DNAH3: variants seen among roughly 807,000 people sequenced by gnomAD.
The protein encoded by DNAH3 is axonemal beta dynein heavy chain 3.
DNAH3 carries 332 observed loss-of-function variants against 432.5 expected under a neutral mutation model. The ratio of observed to expected loss-of-function variants is 0.77; its 90% CI spans 0.70 to 0.84. The LOEUF is 0.84. DNAH3 is among the 40% of genes least tolerant of loss of function. The pLI, the probability that DNAH3 is intolerant of heterozygous loss-of-function variation, is 0.00. For missense variants in DNAH3, 4,861 were observed against 5,114.0 expected (o/e 0.95, Z 1.51); for synonymous variants, 1,956 against 1,900.2 (o/e 1.03, Z -0.76).
At position 21,156,123 on chromosome 16, in the gene DNAH3, A is replaced by G. The variant is rs535212288; in HGVS notation, c.117+3202T>C. Among the ~76,000 whole-genome samples, 3 of 152,184 alleles carry G rather than the reference A, an allele frequency of 2.0e-5. No homozygotes were observed. The South Asian group carries it at 6.2e-4, about 32-fold the overall frequency. ...TGCCAACTTCTCATTGTATCCTCAC[A>G]TGGTGGAAAGAGGGTAAGAGAGCTC... On this transcript the variant is annotated intron_variant, in intron 1 of 61. Coordinates refer to ENST00000261383, the Ensembl canonical transcript of DNAH3.
chr16:21,066,158 T>G (rs549902587), intron 24 of DNAH3, among the ~76,000 whole-genome samples: 83 of 138,806 alleles, frequency 6.0e-4, no homozygotes, highest in Admixed American at 2.4e-3. Flanking sequence ...TCATTTTTTG[T>G]TTTTTTTTTT....
chr16:21,062,768 G>C, intron 24 of DNAH3, 85 bp from the exon 25 acceptor site: 1 of 1,007,850 alleles, frequency 9.9e-7, no homozygotes, highest in Non-Finnish European at 1.5e-6. Context: ...CAGGTAGTCC[G>C]CACCTACGTG....
In DNAH3 at chr16:21,054,429, C is replaced by T. The variant is rs1235481287; in HGVS notation, c.4030G>A (p.Asp1344Asn). Residue 1344 changes from aspartate to asparagine, a missense_variant, in exon 28 of 62, where the codon GAT becomes AAT. Coordinates refer to ENST00000261383, the Ensembl canonical transcript of DNAH3. ...AAGCCCCCTGGCTTACCGTGGACAT[C>T]GATGACCGTGAGGGCCCCGAGAGTG... The T allele has an allele frequency of 1.4e-5, 22 of 1,613,718 alleles. No homozygotes were observed. Among genetic ancestry groups the T allele is most frequent in the Non-Finnish European group, 1.9e-5 (22 of 1,179,796 alleles).
chr16:21,120,508 G>T (rs1045243186), intron 11 of DNAH3: 19 of 582,990 alleles, frequency 3.3e-5, no homozygotes, highest in Non-Finnish European at 5.5e-5. Flanking sequence ...TAGTCAACCT[G>T]CAGGACTATG....
chr16:21,058,675 A>G (rs1464364677), intron 26 of DNAH3, among the ~76,000 whole-genome samples: 1 of 152,210 alleles, frequency 6.6e-6, no homozygotes, highest in Non-Finnish European at 1.5e-5. Flanking sequence ...GAATGAGTTC[A>G]TGTCCTTTGC....
At chr16:20,967,844 G>A (rs2085133979) in intron 52 of DNAH3, among the ~76,000 whole-genome samples, 1 of 151,912 alleles carries the variant, frequency 6.6e-6, no homozygotes, top group South Asian at 2.1e-4. Flanking sequence ...GGTGATTCTA[G>A]GGTGCAGCCA....
intron 54 of DNAH3, among the ~76,000 whole-genome samples, chr16:20,956,978 C>T (rs1015986999): frequency 6.6e-6 from 1 of 152,210 alleles, no homozygotes; most frequent in Admixed American, 6.5e-5. Context: ...CTGCCTTGAC[C>T]TCCCAAAGTG....
At chr16:20,957,174 T>C (rs2084601314) in intron 54 of DNAH3, among the ~76,000 whole-genome samples, 1 of 152,142 alleles carries the variant, frequency 6.6e-6, no homozygotes, top group African/African-American at 2.4e-5. Flanking sequence ...GAGATGAAAA[T>C]AACCAGCTAG....
At chr16:20,990,392 C>A (rs1283557401) in intron 44 of DNAH3, among the ~76,000 whole-genome samples, 1 of 151,992 alleles carries the variant, frequency 6.6e-6, no homozygotes, top group Non-Finnish European at 1.5e-5. Context: ...TTATTGATAT[C>A]CCAATAATAA....
Position 20,952,372 on chromosome 16 carries a change from C to G in DNAH3, c.11188+61G>C, listed in dbSNP as rs568605345. On this transcript the variant is annotated intron_variant, in intron 56 of 61. Transcript: ENST00000261383. ...TAAGTGAATGGAAATGGGAGGAGAA[C>G]AGCAGGAGGGTGGAACATGATACTG... 6.8e-6 allele frequency: 7 copies of G among 1,022,872 alleles called. No homozygotes were observed. In the Admixed American group the frequency reaches 1.0e-4, roughly 15 times the overall value. 63.4% of individuals were successfully genotyped at this position (1,022,872 alleles called of 1,614,324 possible).
chr16:21,016,785 C>T (rs1026332345), intron 41 of DNAH3, among the ~76,000 whole-genome samples: 1 of 152,122 alleles, frequency 6.6e-6, no homozygotes, highest in African/African-American at 2.4e-5. Flanking sequence ...AATGGATAAA[C>T]AAAACGTGGT....
intron 41 of DNAH3, among the ~76,000 whole-genome samples, chr16:21,015,066 T>C (rs958415289): frequency 6.6e-6 from 1 of 152,224 alleles, no homozygotes; most frequent in African/African-American, 2.4e-5. Flanking sequence ...AGCATGTCTA[T>C]GTGTTTACTA....
chr16:21,069,331 A>G, intron 23 of DNAH3, 84 bp downstream of exon 23: 1 of 1,197,514 alleles, frequency 8.4e-7, no homozygotes, highest in South Asian at 1.3e-5. Flanking sequence ...TTCATTTACA[A>G]GTTTCAAGGA....
intron 5 of DNAH3, among the ~76,000 whole-genome samples, chr16:21,139,627 G>A (rs1158919711): frequency 2.0e-5 from 3 of 150,644 alleles, no homozygotes; most frequent in Non-Finnish European, 4.4e-5. Context: ...CAGATGCATG[G>A]TACCATACCC....
intron 32 of DNAH3, among the ~76,000 whole-genome samples, 193 bp downstream of exon 32, chr16:21,041,834 G>A (rs548166543): frequency 1.7e-4 from 26 of 151,992 alleles, no homozygotes; most frequent in African/African-American, 4.1e-4. Flanking sequence ...CACCATGCCC[G>A]GCTAATTTTT....
At chr16:21,023,169 A>G (rs1457417913) in intron 39 of DNAH3, among the ~76,000 whole-genome samples, 1 of 152,186 alleles carries the variant, frequency 6.6e-6, no homozygotes, top group East Asian at 1.9e-4. Context: ...GTATGTGTAG[A>G]TGCATTTATA....
intron 37 of DNAH3, among the ~76,000 whole-genome samples, chr16:21,029,463 A>G (rs1299220928): frequency 2.0e-5 from 3 of 152,240 alleles, no homozygotes; most frequent in Non-Finnish European, 4.4e-5. Context: ...AGGTGTATAA[A>G]TAGTAACTTA....
intron 1 of DNAH3, among the ~76,000 whole-genome samples, chr16:21,154,838 C>T (rs1291466367): frequency 6.6e-6 from 1 of 152,136 alleles, no homozygotes; most frequent in Admixed American, 6.6e-5. Context: ...AAGTGACTTC[C>T]CCCAGGCCAC....
intron 5 of DNAH3, among the ~76,000 whole-genome samples, chr16:21,139,536 G>A (rs1224601260): frequency 6.6e-6 from 1 of 151,486 alleles, no homozygotes; most frequent in Non-Finnish European, 1.5e-5. Flanking sequence ...GAATGTAGTG[G>A]CACAATCATA....
Sources: allele counts gnomAD v4.1 joint callset (sites outside exome capture counted in the v4.1 genomes callset), GRCh38; gene constraint gnomAD v4.1.1; transcripts MANE v1.5; gene names NCBI Gene and HGNC (gene_info 2026-07-23, HGNC 2026-07-21).